The following SAMD4B variants were observed in gnomAD, a reference collection of about 807,000 sequenced individuals.
SAMD4B encodes sterile alpha motif domain containing 4B.
A neutral mutation model predicts 74.5 loss-of-function variants in SAMD4B; 5 were observed. That is an observed-to-expected ratio of 0.07 (90% CI 0.04 to 0.14). The LOEUF is 0.14. SAMD4B is among the 10% of genes least tolerant of loss of function. SAMD4B has a pLI of 1.00. For synonymous variants in SAMD4B, 373 were observed against 374.9 expected (o/e 1.00, Z 0.06); for missense variants, 608 against 921.8 (o/e 0.66, Z 4.41).
intron 1 of SAMD4B, among the ~76,000 whole-genome samples, chr19:39,348,893 A>T (rs1230955436): frequency 2.0e-5 from 3 of 152,180 alleles, no homozygotes; most frequent in African/African-American, 7.2e-5. Context: ...AAAGAGAGGA[A>T]TCTAGAATAA....
intron 4 of SAMD4B, among the ~76,000 whole-genome samples, chr19:39,374,871 CAAAT>C (rs773928314): frequency 5.3e-5 from 8 of 150,444 alleles, no homozygotes; most frequent in African/African-American, 7.3e-5. Context: ...AAAAAATAAA[CAAAT>C]AACTTGATAA....
intron 1 of SAMD4B, chr19:39,351,772 G>A (rs1016002980): frequency 6.6e-6 from 1 of 151,846 alleles, no homozygotes; most frequent in Non-Finnish European, 1.5e-5. Flanking sequence ...ATCATGAGAC[G>A]ATGTGTAATC....
chr19:39,370,158 C>G, intron 4 of SAMD4B, 33 bp downstream of exon 4: 1 of 1,547,376 alleles, frequency 6.5e-7, no homozygotes. Flanking sequence ...AAGGCCATGC[C>G]TACTTGAAAA....
chr19:39,353,966 A>G (rs2076202573), intron 1 of SAMD4B, 40 bp from the exon 2 acceptor site: 1 of 152,162 alleles, frequency 6.6e-6, no homozygotes, highest in Admixed American at 6.5e-5. Context: ...CAGTTTATTA[A>G]TCATTCCCCA....
intron 3 of SAMD4B, among the ~76,000 whole-genome samples, chr19:39,367,371 C>T (rs1166872633): frequency 2.0e-5 from 3 of 152,152 alleles, no homozygotes; most frequent in African/African-American, 2.4e-5. Context: ...CGTAGTTGGC[C>T]TCAGACCTAA....
intron 3 of SAMD4B, among the ~76,000 whole-genome samples, chr19:39,357,744 A>G (rs935498938): frequency 4.6e-5 from 7 of 152,276 alleles, no homozygotes; most frequent in Admixed American, 4.6e-4. Context: ...CTGGGCCTCC[A>G]CAGGGCTGGA....
In SAMD4B at chr19:39,343,990, C is replaced by CT. The variant is rs1431669643; in HGVS notation, c.-267+1414_-267+1415insT. 7.7e-4 allele frequency among the ~76,000 whole-genome samples: 66 copies of CT among 85,548 alleles called. 1 individual carries two copies. Among genetic ancestry groups the CT allele is most frequent in the Middle Eastern group, 8.6e-3 (2 of 232 alleles). The allele number at this position is 85,548 out of a possible 152,430, so 56.1% of individuals were successfully genotyped here. A position where few individuals can be genotyped will look rare whatever the true frequency, so the allele number is the denominator to read the frequency against. On this transcript the variant is annotated intron_variant, in intron 1 of 13. Coordinates refer to ENST00000610417, the MANE Select transcript of SAMD4B (RefSeq NM_001384574.2). Reference sequence around the variant, plus strand: ...ATATGCAGGTTTTCAGGACCCCCCCCCCCCACACACACACACAGCTTAGAG... The same window carrying CT: ...ATATGCAGGTTTTCAGGACCCCCCCCTCCCCACACACACACACAGCTTAGAG...
At chr19:39,357,144 T>C in intron 3 of SAMD4B, 55 bp downstream of exon 3, 1 of 1,476,608 alleles carries the variant, frequency 6.8e-7, no homozygotes, top group Non-Finnish European at 9.2e-7. Flanking sequence ...CTGGAACAGA[T>C]GTCACATGGC....
chr19:39,388,512 A>T (rs1437325128), downstream of SAMD4B: 2 of 1,612,944 alleles, frequency 1.2e-6, no homozygotes, highest in Middle Eastern at 1.7e-4. Context: ...TCCCTATCCC[A>T]ATCCCCAAAA....
chr19:39,376,579 G>A, intron 6 of SAMD4B, 33 bp downstream of exon 6: 1 of 1,596,274 alleles, frequency 6.3e-7, no homozygotes, highest in Non-Finnish European at 8.6e-7. Flanking sequence ...GGAGGTGCTG[G>A]GGGCAGCGCT....
chr19:39,371,810 C>T (rs1477303880), intron 4 of SAMD4B, among the ~76,000 whole-genome samples: 1 of 140,928 alleles, frequency 7.1e-6, no homozygotes, highest in Non-Finnish European at 1.5e-5. Context: ...GAGCGAGACC[C>T]CATCTCAAAA....
chr19:39,375,849 C>T lies in SAMD4B; in HGVS notation c.867C>T (p.Ser289=), dbSNP rs775169887. 6.2e-7 allele frequency: 1 copy of T among 1,612,038 alleles called. No homozygotes were observed. Among genetic ancestry groups the T allele is most frequent in the South Asian group, 1.1e-5 (1 of 91,080 alleles). The change falls in exon 5 of 14, where the codon TCC becomes TCT. Residue 289 remains serine, a synonymous_variant. Transcript: ENST00000610417. This position sits in a 1 kb window ranked among gnomAD's most constrained non-coding sequence, Gnocchi z 4.1. ...GTGAGCAGACAGAGGAGCAGGGCTC[C>T]AGCCGGAACACCTTCCAGGAGGATG... The part of the protein sequence containing the change: ...SGSEQTEEQG[S]SRNTFQEDGS...
intron 1 of SAMD4B, among the ~76,000 whole-genome samples, chr19:39,344,324 C>A (rs1410925838): frequency 6.6e-6 from 1 of 152,134 alleles, no homozygotes; most frequent in Non-Finnish European, 1.5e-5. Flanking sequence ...CCCATATACT[C>A]TTTTGGAGAC....
chr19:39,352,132 A>G (rs1272224302), intron 1 of SAMD4B: 1 of 152,190 alleles, frequency 6.6e-6, no homozygotes, highest in East Asian at 1.9e-4. Context: ...AGACATAGGA[A>G]CCCTACCTTC....
At position 39,375,795 on chromosome 19, in the gene SAMD4B, G is replaced by A. The variant is rs758558762; in HGVS notation, c.813G>A (p.Ser271=). The change falls in exon 5 of 14, where the codon TCG becomes TCA. Residue 271 remains serine, a synonymous_variant. Coordinates refer to ENST00000610417, the MANE Select transcript of SAMD4B (RefSeq NM_001384574.2). This position sits in a 1 kb window ranked among gnomAD's most constrained non-coding sequence, Gnocchi z 4.1. ...AFTTPDHAPL[S]PQSSVASSGS... The stretch of plus-strand genomic sequence containing the variant: ...CCACGCCCGATCACGCACCTCTCTC[G>A]CCCCAGAGCAGCGTGGCCTCCTCTG... 25 of 1,613,944 alleles carry A rather than the reference G, an allele frequency of 1.5e-5. No individual in the cohort carries two copies. The highest frequency in any genetic ancestry group is 1.2e-4 in the Admixed American group (7 of 60,018).
Position 39,384,027 on chromosome 19 carries a change from T to G in SAMD4B, c.*500T>G. The G allele has an allele frequency of 2.5e-6, 1 of 394,178 alleles. No individual in the cohort carries two copies. Among genetic ancestry groups the G allele is most frequent in the Non-Finnish European group, 4.6e-6 (1 of 219,128 alleles). 24.4% of individuals were successfully genotyped at this position (394,178 alleles called of 1,614,324 possible). On this transcript the variant is annotated 3_prime_UTR_variant, in exon 14 of 14. Coordinates refer to ENST00000610417, the MANE Select transcript of SAMD4B (RefSeq NM_001384574.2). ...AGGAAGGGGAGCAAGGAGAGGAAGC[T>G]CTCTCTCCTCTCCCTGCTTCCCCTT... is the stretch of plus-strand genomic sequence containing the variant.
chr19:39,362,056 C>T (rs1162943224), intron 3 of SAMD4B, among the ~76,000 whole-genome samples: 1 of 152,204 alleles, frequency 6.6e-6, no homozygotes, highest in Non-Finnish European at 1.5e-5. Flanking sequence ...CCGAACCAAC[C>T]TTAGTACTTC....
chr19:39,378,882 C>T lies in SAMD4B; in HGVS notation c.1530+293C>T, dbSNP rs1047632026. Reference sequence around the variant, plus strand: ...TCGCGCCACTGCACTCCAGCCTGGACGACAGAGTGAGGGAAAGCCTGCCCC... The same window carrying T: ...TCGCGCCACTGCACTCCAGCCTGGATGACAGAGTGAGGGAAAGCCTGCCCC... On this transcript the variant is annotated intron_variant, in intron 9 of 13. Coordinates refer to ENST00000610417, the MANE Select transcript of SAMD4B (RefSeq NM_001384574.2). The surrounding 1 kb of genome is among the most constrained non-coding windows in gnomAD (Gnocchi z 4.4). Among the ~76,000 whole-genome samples, 3 of 152,202 alleles carry T rather than the reference C, an allele frequency of 2.0e-5. No individual in the cohort carries two copies. Among genetic ancestry groups the T allele is most frequent in the Admixed American group, 6.5e-5 (1 of 15,286 alleles).
downstream of SAMD4B, chr19:39,388,818 G>A (rs766094482): frequency 1.2e-6 from 2 of 1,614,168 alleles, no homozygotes; most frequent in Admixed American, 3.3e-5. Flanking sequence ...TGTCCTTGGG[G>A]GCTGGGTCTG....
Sources: allele counts gnomAD v4.1 joint callset (sites outside exome capture counted in the v4.1 genomes callset), GRCh38; gene constraint gnomAD v4.1.1; non-coding constraint Gnocchi (gnomAD v3.1); transcripts MANE v1.5; gene names NCBI Gene and HGNC (gene_info 2026-07-23, HGNC 2026-07-21).